Variants in TMEM132D observed in about 807,000 individuals in gnomAD.
TMEM132D encodes mature OL transmembrane protein.
A neutral mutation model predicts 62.3 loss-of-function variants in TMEM132D; 21 were observed. The observed-to-expected ratio is 0.34, with a 90% CI of 0.24 to 0.49. TMEM132D has a LOEUF of 0.49. TMEM132D is among the 20% of genes least tolerant of loss of function. The pLI is 0.99. For synonymous variants in TMEM132D, 621 were observed against 575.6 expected (o/e 1.08, Z -1.13); for missense variants, 1,346 against 1,402.8 (o/e 0.96, Z 0.65).
intron 1 of TMEM132D, among the ~76,000 whole-genome samples, chr12:129,735,805 CTA>C (rs1869404021): frequency 6.6e-6 from 1 of 152,228 alleles, no homozygotes; most frequent in Non-Finnish European, 1.5e-5. Context: ...CAAGGATATT[CTA>C]TCTCTTGACC....
intron 3 of TMEM132D, among the ~76,000 whole-genome samples, chr12:129,403,751 T>C (rs1456465927): frequency 1.3e-5 from 2 of 152,042 alleles, no homozygotes; most frequent in Non-Finnish European, 2.9e-5. Flanking sequence ...TAGTAAATGA[T>C]AGCAGTACAT....
chr12:129,397,280 G>C (rs943849937), intron 3 of TMEM132D, among the ~76,000 whole-genome samples: 1 of 152,176 alleles, frequency 6.6e-6, no homozygotes, highest in Non-Finnish European at 1.5e-5. Context: ...TTTCAGAAGA[G>C]AGTATTGCTT....
At chr12:129,292,971 A>T (rs1364161112) in intron 4 of TMEM132D, among the ~76,000 whole-genome samples, 1 of 152,116 alleles carries the variant, frequency 6.6e-6, no homozygotes, top group Non-Finnish European at 1.5e-5. Context: ...GGAGAAGTAG[A>T]GATATTGGTG....
intron 1 of TMEM132D, among the ~76,000 whole-genome samples, chr12:129,818,015 G>A (rs186733254): frequency 6.9e-6 from 1 of 144,684 alleles, no homozygotes; most frequent in East Asian, 2.2e-4. Flanking sequence ...GTGTCTATGT[G>A]CATCTCTATG....
chr12:129,743,670 G>A (rs1008576579), intron 1 of TMEM132D, among the ~76,000 whole-genome samples: 2 of 152,166 alleles, frequency 1.3e-5, no homozygotes, highest in Non-Finnish European at 2.9e-5. Context: ...GAACATGTTA[G>A]CTTACATGGT....
intron 4 of TMEM132D, chr12:129,212,307 C>G (rs1879077827): frequency 6.6e-6 from 1 of 152,200 alleles, no homozygotes; most frequent in Non-Finnish European, 1.5e-5. Context: ...CTACCAAGAT[C>G]TCAGCGTGGC....
intron 1 of TMEM132D, among the ~76,000 whole-genome samples, chr12:129,889,526 C>A (rs549466830): frequency 1.2e-4 from 19 of 152,284 alleles, no homozygotes; most frequent in Admixed American, 9.8e-4. Flanking sequence ...AACTAATGTA[C>A]CCCTTAGGCA....
chr12:129,684,842 T>A (rs1880867858), intron 2 of TMEM132D, among the ~76,000 whole-genome samples: 1 of 151,774 alleles, frequency 6.6e-6, no homozygotes, highest in South Asian at 2.1e-4. Flanking sequence ...GGAACTGGAG[T>A]AAAAGTCACT....
intron 2 of TMEM132D, among the ~76,000 whole-genome samples, chr12:129,641,441 C>T (rs1367304589): frequency 1.3e-5 from 2 of 152,284 alleles, no homozygotes; most frequent in East Asian, 3.9e-4. Flanking sequence ...CACTAAATAC[C>T]GTTGGTGAGC....
At chr12:129,181,237 C>G (rs1878057411) in intron 5 of TMEM132D, among the ~76,000 whole-genome samples, 1 of 152,176 alleles carries the variant, frequency 6.6e-6, no homozygotes, top group South Asian at 2.1e-4. Flanking sequence ...CTTCTGAAAA[C>G]AATCTGAAAT....
At chr12:129,534,281 T>C (rs910344195) in intron 2 of TMEM132D, among the ~76,000 whole-genome samples, 1 of 152,166 alleles carries the variant, frequency 6.6e-6, no homozygotes, top group Admixed American at 6.5e-5. Context: ...ATATCTACCA[T>C]GGTGATGGGG....
chr12:129,886,063 T>C (rs906671659), intron 1 of TMEM132D, among the ~76,000 whole-genome samples: 3 of 152,250 alleles, frequency 2.0e-5, no homozygotes, highest in African/African-American at 7.2e-5. Context: ...ATTCTCATTA[T>C]GCAAAAATTT....
At chr12:129,265,172 T>C (rs1320754950) in intron 4 of TMEM132D, among the ~76,000 whole-genome samples, 1 of 152,088 alleles carries the variant, frequency 6.6e-6, no homozygotes, top group African/African-American at 2.4e-5. Context: ...GGGACAATCA[T>C]GATGGCCAAA....
At chr12:129,345,935 G>A (rs937120846) in intron 3 of TMEM132D, among the ~76,000 whole-genome samples, 1 of 152,152 alleles carries the variant, frequency 6.6e-6, no homozygotes, top group Non-Finnish European at 1.5e-5. Flanking sequence ...TTTGGTATCA[G>A]GATGATGCTG....
chr12:129,679,905 G>A (rs1444130861), intron 2 of TMEM132D, among the ~76,000 whole-genome samples: 3 of 151,864 alleles, frequency 2.0e-5, no homozygotes, highest in Non-Finnish European at 4.4e-5. Flanking sequence ...TTATATAAAT[G>A]GGCTGCCATC....
intron 2 of TMEM132D, among the ~76,000 whole-genome samples, chr12:129,537,834 A>C (rs1355488843): frequency 2.0e-5 from 3 of 152,242 alleles, no homozygotes; most frequent in Non-Finnish European, 4.4e-5. Context: ...GAAAATGATG[A>C]GAACAGTTTT....
At position 129,074,571 on chromosome 12, in the gene TMEM132D, C is replaced by T. The variant is rs750602180; in HGVS notation, c.2604G>A (p.Gln868=). The T allele has an allele frequency of 5.4e-5, 87 of 1,613,944 alleles. No homozygotes were observed. Among genetic ancestry groups the T allele is most frequent in the Admixed American group, 4.0e-4 (24 of 59,996 alleles). ...DRSILQKKKG[Q]ESLLDDNSHL... ...GGCTGTTGTCATCTAAAAGGCTTTCCTGGCCTTTCTTCTTCTGCAGGATGG... is the reference window on the plus strand; with the variant it reads ...GGCTGTTGTCATCTAAAAGGCTTTCTTGGCCTTTCTTCTTCTGCAGGATGG... The change falls in exon 9 of 9, where the codon CAG becomes CAA. Residue 868 remains glutamine, a synonymous_variant. Transcript: ENST00000422113.
intron 3 of TMEM132D, among the ~76,000 whole-genome samples, chr12:129,421,054 C>G (rs544418692): frequency 1.3e-5 from 2 of 151,498 alleles, no homozygotes; most frequent in Non-Finnish European, 1.5e-5. Flanking sequence ...CTCTGCCTCC[C>G]GGGTTCAAGA....
At chr12:129,902,493 T>A (rs1360320764) in intron 1 of TMEM132D, among the ~76,000 whole-genome samples, 1 of 152,162 alleles carries the variant, frequency 6.6e-6, no homozygotes, top group Non-Finnish European at 1.5e-5. Context: ...GCTTCCAAAC[T>A]TGCTCTTCCC....
Sources: allele counts gnomAD v4.1 joint callset (sites outside exome capture counted in the v4.1 genomes callset), GRCh38; gene constraint gnomAD v4.1.1; transcripts MANE v1.5; gene names NCBI Gene and HGNC (gene_info 2026-07-23, HGNC 2026-07-21).